C12orf42: variants seen among roughly 807,000 people sequenced by gnomAD.
C12orf42 encodes uncharacterized protein C12orf42.
In C12orf42, 25 loss-of-function variants were observed where a neutral mutation model predicts 21.6. That is an observed-to-expected ratio of 1.16 (90% CI 0.84 to 1.62). C12orf42 has a LOEUF of 1.62. Ranked by LOEUF, C12orf42 falls within the 40% of genes most tolerant of loss-of-function variation. C12orf42 has a pLI of 0.00. For synonymous variants in C12orf42, 174 were observed against 175.0 expected, an observed-to-expected ratio of 0.99 and a Z score of 0.05; for missense variants, 483 against 459.3, an observed-to-expected ratio of 1.05 and a Z score of -0.47.
chr12:103,444,156 A>C (rs896921150), intron 2 of C12orf42, among the ~76,000 whole-genome samples: 2 of 152,024 alleles, frequency 1.3e-5, no homozygotes, highest in African/African-American at 4.8e-5. Flanking sequence ...AATTATAATT[A>C]TTAATGCCAA....
the C12orf42 span, among the ~76,000 whole-genome samples, chr12:103,113,611 T>C: frequency 6.6e-6 from 1 of 152,200 alleles, no homozygotes; most frequent in African/African-American, 2.4e-5. Context: ...AGGACCTTGA[T>C]GTTGCTTACC....
At chr12:103,501,338 GA>G in the C12orf42 span, among the ~76,000 whole-genome samples, 2 of 152,228 alleles carry the variant, frequency 1.3e-5, no homozygotes, top group Non-Finnish European at 2.9e-5. Context: ...GAGGCAAAAG[GA>G]GATAAAAGTG....
rs927994125 is a variant in C12orf42, at chr12:103,440,543, T to C, written c.78+37806A>G. ...GACCCCTAACTTCAAGAAAGCAAAA[T>C]AGACGCATAAATTTTAAATTAACAT... On this transcript the variant is annotated intron_variant, in intron 2 of 5. Transcript: ENST00000548883. Among the ~76,000 whole-genome samples the C allele has an allele frequency of 7.8e-5, 10 of 128,082 alleles. 1 individual carries two copies. Among genetic ancestry groups the C allele is most frequent in the Admixed American group, 3.3e-4 (4 of 11,984 alleles). 84.0% of individuals were successfully genotyped at this position (128,082 alleles called of 152,430 possible).
At position 103,340,653 on chromosome 12, in the gene C12orf42, AAC is replaced by A. The variant is rs376644890; in HGVS notation, c.259+28232_259+28233del. ...GGAGGCAAAGGAGCAAAGACATTAA[AAC>A]AGTTATAACTCTATTCCATAAGTTC... On this transcript the variant is annotated intron_variant, in intron 4 of 5. Coordinates refer to ENST00000548883, the MANE Select transcript of C12orf42 (RefSeq NM_198521.5). Among the ~76,000 whole-genome samples, 1,008 of 152,320 alleles carry A rather than the reference AAC, an allele frequency of 6.6e-3. 7 individuals carry two copies. The highest frequency in any genetic ancestry group is 0.022 in the African/African-American group (900 of 41,570).
the C12orf42 span, among the ~76,000 whole-genome samples, chr12:103,526,916 G>A: frequency 2.6e-5 from 4 of 152,256 alleles, no homozygotes; most frequent in East Asian, 5.8e-4. Context: ...TCAAGATCAC[G>A]CAGCTACCAA....
At chr12:103,360,379 C>A (rs565975176) in intron 4 of C12orf42, among the ~76,000 whole-genome samples, 1 of 151,822 alleles carries the variant, frequency 6.6e-6, no homozygotes, top group South Asian at 2.1e-4. Flanking sequence ...CTAAGTGAGT[C>A]CCTCATTCTG....
intron 2 of C12orf42, among the ~76,000 whole-genome samples, chr12:103,437,975 A>G (rs1950878382): frequency 6.6e-6 from 1 of 150,752 alleles, no homozygotes; most frequent in South Asian, 2.2e-4. Flanking sequence ...TTAGACCAAT[A>G]TCCCTGATGA....
At chr12:103,262,526 G>C (rs1369232011) in intron 10 of C12orf42, 1 of 152,130 alleles carries the variant, frequency 6.6e-6, no homozygotes, top group Non-Finnish European at 1.5e-5. Context: ...ACAATGATCA[G>C]TACTTTTATT....
At chr12:103,381,162 A>G (rs1233502401) in intron 3 of C12orf42, among the ~76,000 whole-genome samples, 1 of 152,210 alleles carries the variant, frequency 6.6e-6, no homozygotes, top group Non-Finnish European at 1.5e-5. Context: ...CTCAGGCACT[A>G]ACAACTCCCC....
the C12orf42 span, among the ~76,000 whole-genome samples, chr12:103,510,850 T>G: frequency 6.6e-5 from 10 of 152,218 alleles, no homozygotes; most frequent in Non-Finnish European, 2.9e-5. Context: ...TAATCCCAGC[T>G]GCACAGGCTA....
the C12orf42 span, chr12:103,081,660 T>C: frequency 1.3e-5 from 2 of 152,210 alleles, no homozygotes; most frequent in African/African-American, 2.4e-5. Context: ...AAATAATTTT[T>C]TCTCTCTATT....
chr12:103,411,337 A>G (rs907816729), intron 2 of C12orf42, among the ~76,000 whole-genome samples: 1 of 152,234 alleles, frequency 6.6e-6, no homozygotes, highest in African/African-American at 2.4e-5. Flanking sequence ...TTATTATGCA[A>G]AACTGTAGCA....
the C12orf42 span, among the ~76,000 whole-genome samples, chr12:103,147,630 T>TTTTC: frequency 6.8e-6 from 1 of 146,280 alleles, no homozygotes; most frequent in Non-Finnish European, 1.5e-5. Context: ...TCTCTTTTTT[T>TTTTC]TTTTTTTTTT....
chr12:103,520,822 T>C, the C12orf42 span, among the ~76,000 whole-genome samples: 1 of 152,244 alleles, frequency 6.6e-6, no homozygotes, highest in Admixed American at 6.5e-5. Context: ...GTCTCTCTCT[T>C]GTGTGAATGT....
the C12orf42 span, among the ~76,000 whole-genome samples, chr12:103,562,023 C>T: frequency 4.4e-3 from 663 of 152,284 alleles, 6 homozygotes; most frequent in African/African-American, 0.015. Flanking sequence ...GCATTCCTTC[C>T]GTAGGCTTGA....
At chr12:103,450,341 G>A (rs1951860330) in intron 2 of C12orf42, among the ~76,000 whole-genome samples, 2 of 152,004 alleles carry the variant, frequency 1.3e-5, no homozygotes. Context: ...TGTACTAATT[G>A]ATTTTCTAAT....
the C12orf42 span, among the ~76,000 whole-genome samples, chr12:103,100,857 A>T: frequency 6.6e-6 from 1 of 152,040 alleles, no homozygotes; most frequent in Admixed American, 6.5e-5. Context: ...TGGAGAGGAC[A>T]AAAAAAAGAT....
At chr12:103,229,586 A>G in the C12orf42 span, among the ~76,000 whole-genome samples, 1 of 152,224 alleles carries the variant, frequency 6.6e-6, no homozygotes, top group Non-Finnish European at 1.5e-5. Flanking sequence ...ATATTAATAC[A>G]ATGATTATTT....
chr12:103,077,539 C>T, the C12orf42 span, among the ~76,000 whole-genome samples: 1 of 152,116 alleles, frequency 6.6e-6, no homozygotes. Flanking sequence ...AGGCAGCTGA[C>T]CCCCAGACCC....
Sources: allele counts gnomAD v4.1 joint callset (sites outside exome capture counted in the v4.1 genomes callset), GRCh38; gene constraint gnomAD v4.1.1; transcripts MANE v1.5; gene names NCBI Gene and HGNC (gene_info 2026-07-23, HGNC 2026-07-21).